RNF2: variants seen among roughly 807,000 people sequenced by gnomAD.
The protein encoded by RNF2 is E3 ubiquitin-protein ligase RING2.
Under a neutral mutation model 37.2 loss-of-function variants are expected in RNF2, and 6 were observed. That is an observed-to-expected ratio of 0.16 (90% CI 0.09 to 0.32). The LOEUF (loss-of-function observed/expected upper bound fraction) is 0.32, where lower values mean the gene tolerates loss of function less well. Ranked by LOEUF, RNF2 falls within the 10% of genes least tolerant of loss-of-function variation. The probability of loss-of-function intolerance (pLI) is 1.00; values close to 1 mark genes in which losing one functional copy is unlikely to be tolerated. For synonymous variants in RNF2, 133 were observed against 132.7 expected (o/e 1.00, Z -0.02); for missense variants, 251 against 404.0 (o/e 0.62, Z 3.25).
intron 1 of RNF2, among the ~76,000 whole-genome samples, chr1:185,069,456 T>TAAAAA (rs768648029): frequency 1.1e-5 from 1 of 94,172 alleles, no homozygotes. Context: ...AGACCCTGTC[T>TAAAAA]AAAAAAAAAA....
chr1:185,058,776 GTATTTT>G (rs1650513962), intron 1 of RNF2, among the ~76,000 whole-genome samples: 1 of 152,168 alleles, frequency 6.6e-6, no homozygotes, highest in Non-Finnish European at 1.5e-5. Context: ...TTCGGTATAT[GTATTTT>G]TATTGTTTGG....
chr1:185,070,138 A>C (rs1650923851), intron 1 of RNF2, among the ~76,000 whole-genome samples: 1 of 152,214 alleles, frequency 6.6e-6, no homozygotes, highest in African/African-American at 2.4e-5. Flanking sequence ...AATTGAAATA[A>C]TAGAGAAGAT....
chr1:185,095,540 G>A lies in RNF2; in HGVS notation c.464+2264G>A, dbSNP rs1651888386. Among the ~76,000 whole-genome samples, 4 of 152,104 alleles carry A rather than the reference G, an allele frequency of 2.6e-5. No individual in the cohort carries two copies. In the South Asian group the frequency reaches 8.3e-4, roughly 31 times the overall value. Reference sequence around the variant, plus strand: ...CCCATAGCACGTATCACTCTCTCATGTGTTACCTGCTACACTAGAATTATG... The same window carrying A: ...CCCATAGCACGTATCACTCTCTCATATGTTACCTGCTACACTAGAATTATG... On this transcript the variant is annotated intron_variant, in intron 4 of 6. Coordinates refer to ENST00000367510, the MANE Select transcript of RNF2 (RefSeq NM_007212.4).
Position 185,091,777 on chromosome 1 carries a change from G to A in RNF2, c.248+38G>A, listed in dbSNP as rs200385213. The A allele has an allele frequency of 5.0e-5, 76 of 1,533,954 alleles. 1 individual carries two copies. The South Asian group carries it at 7.1e-4, about 14-fold the overall frequency. Reference sequence around the variant, plus strand: ...GAGTTGTTATACTAGGTACTTAATTGTACCACGAAAGTGCTTTCCAGGGTT... The same window carrying A: ...GAGTTGTTATACTAGGTACTTAATTATACCACGAAAGTGCTTTCCAGGGTT... On this transcript the variant is annotated intron_variant, in intron 3 of 6. Coordinates refer to ENST00000367510, the MANE Select transcript of RNF2 (RefSeq NM_007212.4).
intron 1 of RNF2, among the ~76,000 whole-genome samples, chr1:185,052,225 C>T (rs552264841): frequency 1.3e-5 from 2 of 152,230 alleles, no homozygotes; most frequent in South Asian, 2.1e-4. Flanking sequence ...ACCACTAAAC[C>T]GGAGGTATCC....
At chr1:185,070,468 T>G (rs1350589807) in intron 1 of RNF2, among the ~76,000 whole-genome samples, 1 of 152,164 alleles carries the variant, frequency 6.6e-6, no homozygotes, top group Non-Finnish European at 1.5e-5. Context: ...GATCCGTTTT[T>G]CCTTGAATGG....
At chr1:185,092,987 G>C in intron 3 of RNF2, 74 bp from the exon 4 acceptor site, 1 of 1,257,734 alleles carries the variant, frequency 8.0e-7, no homozygotes. Flanking sequence ...TAACTATCCA[G>C]AAGCTGGGTA....
At chr1:185,054,936 G>A (rs1331353180) in intron 1 of RNF2, among the ~76,000 whole-genome samples, 1 of 152,168 alleles carries the variant, frequency 6.6e-6, no homozygotes, top group Admixed American at 6.5e-5. Flanking sequence ...CTGAGCACAA[G>A]CAGTCCGCCT....
Position 185,099,940 on chromosome 1 carries a change from C to G in RNF2, c.887C>G (p.Ala296Gly). 2 of 1,610,878 alleles carry G rather than the reference C, an allele frequency of 1.2e-6. No individual in the cohort carries two copies. The highest frequency in any genetic ancestry group is 1.7e-6 in the Non-Finnish European group (2 of 1,177,408). Reference protein sequence around the residue: ...ASEKQYTIYIATASGQFTVLN... With the variant: ...ASEKQYTIYIGTASGQFTVLN... ...GAGAAGCAGTATACCATTTATATAG[C>G]AACAGCCAGTGGCCAGTTCACTGTG... The change falls in exon 6 of 7, where the codon GCA (alanine) becomes GGA (glycine). Residue 296 changes from alanine to glycine, a missense_variant. By Grantham distance (60) the Ala-to-Gly change is moderately conservative (BLOSUM62 0). Coordinates refer to ENST00000367510, the MANE Select transcript of RNF2 (RefSeq NM_007212.4).
At chr1:185,053,484 G>A (rs1030596767) in intron 1 of RNF2, among the ~76,000 whole-genome samples, 1 of 151,886 alleles carries the variant, frequency 6.6e-6, no homozygotes, top group Non-Finnish European at 1.5e-5. Flanking sequence ...ATAGGAGTGT[G>A]CCACCATGCA....
At chr1:185,084,911 C>T (rs1010250796) in intron 1 of RNF2, among the ~76,000 whole-genome samples, 1 of 152,068 alleles carries the variant, frequency 6.6e-6, no homozygotes, top group Admixed American at 6.6e-5. Flanking sequence ...AGTCTGTTAA[C>T]CGTTAGCTCC....
intron 1 of RNF2, among the ~76,000 whole-genome samples, chr1:185,063,968 C>T (rs1571300959): frequency 6.6e-6 from 1 of 152,142 alleles, no homozygotes; most frequent in Non-Finnish European, 1.5e-5. Context: ...AGGATAATCT[C>T]CCCATCTTAA....
intron 5 of RNF2, 103 bp from the exon 6 acceptor site, chr1:185,099,688 C>A (rs1652021024): frequency 3.3e-6 from 3 of 913,894 alleles, no homozygotes; most frequent in Non-Finnish European, 5.0e-6. Context: ...GAGACATTGC[C>A]ATTTTACTTA....
chr1:185,101,843 T>TTTG lies in RNF2; in HGVS notation c.*1544_*1545insGTT, dbSNP rs1484394530. On this transcript the variant is annotated 3_prime_UTR_variant, in exon 7 of 7. Transcript: ENST00000367510. ...TCTGTTTTTACAGGGTTTTTTTTTTTTTTTTTTTTTTGTAATCTGTGCCAT... is the reference window on the plus strand; with the variant it reads ...TCTGTTTTTACAGGGTTTTTTTTTTTTTGTTTTTTTTTTTGTAATCTGTGCCAT... 4 of 148,682 alleles carry TTTG rather than the reference T, an allele frequency of 2.7e-5. No homozygotes were observed. 9.2% of individuals were successfully genotyped at this position (148,682 alleles called of 1,614,324 possible).
At chr1:185,097,729 G>A (rs996137854) in intron 4 of RNF2, among the ~76,000 whole-genome samples, 1 of 152,156 alleles carries the variant, frequency 6.6e-6, no homozygotes, top group African/African-American at 2.4e-5. Context: ...TAGAGACAGG[G>A]TCTCACTTTG....
intron 1 of RNF2, among the ~76,000 whole-genome samples, chr1:185,076,268 GTTTTTTTTTTTTTTTTTTTTTTTTTT>G (rs71101959): frequency 2.6e-4 from 7 of 27,336 alleles, no homozygotes; most frequent in Admixed American, 4.0e-4. Flanking sequence ...TTTATGGGTT[GTTTTTTTTTTTTTTTTTTTTTTTTTT>G]TTTTTTTTTT....
At chr1:185,057,615 C>G (rs1490713392) in intron 1 of RNF2, among the ~76,000 whole-genome samples, 1 of 152,000 alleles carries the variant, frequency 6.6e-6, no homozygotes, top group Non-Finnish European at 1.5e-5. Context: ...CTGAAGAAAA[C>G]AAGGAATGAA....
chr1:185,069,077 C>T (rs867848445), intron 1 of RNF2, among the ~76,000 whole-genome samples: 18 of 152,142 alleles, frequency 1.2e-4, no homozygotes, highest in African/African-American at 4.1e-4. Context: ...ATTTAGGCTC[C>T]TAAAATTTTA....
rs181308507 is a variant in RNF2, at chr1:185,067,444, G to T, written c.-2-20108G>T. ...AGCAAGCATTGCTTTAATTAAGGAA[G>T]AAATTATTTGCTCATTTACATTTGT... On this transcript the variant is annotated intron_variant, in intron 1 of 6. Coordinates refer to ENST00000367510, the MANE Select transcript of RNF2 (RefSeq NM_007212.4). Among the ~76,000 whole-genome samples, 389 of 152,276 alleles carry T rather than the reference G, an allele frequency of 2.6e-3. 1 individual carries two copies. Among genetic ancestry groups the T allele is most frequent in the Admixed American group, 6.9e-3 (105 of 15,300 alleles).
Sources: gnomAD v4.1 joint callset for allele counts (sites outside exome capture counted in the v4.1 genomes callset) on GRCh38, gnomAD v4.1.1 for gene constraint, MANE v1.5 for transcripts, NCBI Gene and HGNC (gene_info 2026-07-23, HGNC 2026-07-21) for gene names.